Variants in DNAH8 observed in about 807,000 individuals in gnomAD.
DNAH8 encodes dynein axonemal heavy chain 8, also known as axonemal beta dynein heavy chain 8.
A neutral mutation model predicts 562.1 loss-of-function variants in DNAH8; 382 were observed. The observed-to-expected ratio is 0.68, with a 90% CI of 0.63 to 0.74. The LOEUF is 0.74. DNAH8 is among the 30% of genes least tolerant of loss of function. The pLI is 0.00. For missense variants in DNAH8, 5,203 were observed against 5,620.4 expected (o/e 0.93, Z 2.37); for synonymous variants, 1,881 against 1,919.4 (o/e 0.98, Z 0.52).
chr6:38,866,714 G>A, intron 46 of DNAH8, 37 bp downstream of exon 46: 1 of 1,593,092 alleles, frequency 6.3e-7, no homozygotes, highest in Non-Finnish European at 8.6e-7. Context: ...TGTGCTTTAT[G>A]TTCTTTACTT....
chr6:38,891,003 T>C (rs1007013398), intron 58 of DNAH8, among the ~76,000 whole-genome samples: 11 of 152,228 alleles, frequency 7.2e-5, no homozygotes, highest in African/African-American at 2.2e-4. Context: ...CAAGACAAAG[T>C]AGAATTTTGC....
intron 63 of DNAH8, among the ~76,000 whole-genome samples, chr6:38,907,736 A>G (rs978926401): frequency 2.0e-5 from 3 of 152,230 alleles, no homozygotes; most frequent in African/African-American, 2.4e-5. Flanking sequence ...GGTGATAGCT[A>G]TTGGAGCACA....
Position 38,756,030 on chromosome 6 carries a change from T to C in DNAH8, c.1466T>C (p.Val489Ala). ...LINAIRMIHG[V>A]SRYYNTSERM... ...AATGCCATCAGAATGATTCACGGTG[T>C]GTCAAGGTATTATAATACCTCAGAG... Residue 489 changes from valine to alanine, a missense_variant, in exon 10 of 93, where the codon GTG becomes GCG. By Grantham distance (64) the Val-to-Ala change is moderately conservative. Coordinates refer to ENST00000327475, the MANE Select transcript of DNAH8 (RefSeq NM_001206927.2). 1.2e-6 allele frequency: 2 copies of C among 1,611,132 alleles called. No homozygotes were observed. Among genetic ancestry groups the C allele is most frequent in the Non-Finnish European group, 1.7e-6 (2 of 1,177,636 alleles).
At chr6:38,747,729 A>G (rs921470787) in intron 8 of DNAH8, among the ~76,000 whole-genome samples, 13 of 151,172 alleles carry the variant, frequency 8.6e-5, no homozygotes, top group African/African-American at 3.2e-4. Context: ...TTGTACATCT[A>G]CTCTTTGTTC....
chr6:38,863,831 T>C, intron 44 of DNAH8, 42 bp from the exon 45 acceptor site: 1 of 1,506,656 alleles, frequency 6.6e-7, no homozygotes, highest in Non-Finnish European at 9.0e-7. Flanking sequence ...AGAAGGTATA[T>C]TATAGAGTAA....
intron 47 of DNAH8, 26 bp downstream of exon 47, chr6:38,866,902 C>T: frequency 7.1e-7 from 1 of 1,402,108 alleles, no homozygotes; most frequent in Non-Finnish European, 1.0e-6. Context: ...TGCTTTCCTC[C>T]TAGCAATAGT....
intron 53 of DNAH8, among the ~76,000 whole-genome samples, chr6:38,878,860 A>G (rs547884075): frequency 2.6e-5 from 4 of 152,222 alleles, no homozygotes; most frequent in African/African-American, 7.2e-5. Flanking sequence ...AATATTTTCA[A>G]CACAAAAAAA....
chr6:38,940,236 G>A (rs764577913), intron 79 of DNAH8, among the ~76,000 whole-genome samples: 4 of 152,272 alleles, frequency 2.6e-5, no homozygotes, highest in Middle Eastern at 3.4e-3. Context: ...AAGGCAATGG[G>A]AATATACAGG....
intron 33 of DNAH8, 98 bp from the exon 34 acceptor site, chr6:38,842,270 A>G (rs1774866354): frequency 2.1e-6 from 2 of 938,204 alleles, no homozygotes; most frequent in Non-Finnish European, 3.2e-6. Flanking sequence ...TGTACACGCA[A>G]TGTATGAAAT....
chr6:38,741,180 G>A (rs1764490290), intron 7 of DNAH8, among the ~76,000 whole-genome samples: 1 of 152,122 alleles, frequency 6.6e-6, no homozygotes, highest in African/African-American at 2.4e-5. Context: ...TGAGGCAGGA[G>A]GATCGCTTCA....
intron 39 of DNAH8, 25 bp from the exon 40 acceptor site, chr6:38,852,669 T>G: frequency 6.5e-7 from 1 of 1,545,310 alleles, no homozygotes; most frequent in Non-Finnish European, 8.9e-7. Context: ...CAGCCTCATG[T>G]GTGACGTTTT....
At chr6:38,849,194 A>G (rs972451502) in intron 37 of DNAH8, among the ~76,000 whole-genome samples, 7 of 152,306 alleles carry the variant, frequency 4.6e-5, no homozygotes, top group African/African-American at 1.7e-4. Flanking sequence ...GATGTGAGGT[A>G]CATTCAAATG....
intron 58 of DNAH8, among the ~76,000 whole-genome samples, chr6:38,891,448 A>G (rs1779334297): frequency 6.6e-6 from 1 of 152,246 alleles, no homozygotes; most frequent in African/African-American, 2.4e-5. Flanking sequence ...CCAATTATAC[A>G]CATGTGGGCA....
chr6:38,849,288 C>T (rs1309391116), intron 37 of DNAH8, among the ~76,000 whole-genome samples: 6 of 152,106 alleles, frequency 3.9e-5, no homozygotes, highest in Non-Finnish European at 7.4e-5. Flanking sequence ...AATCTATATT[C>T]TGTAAGCACA....
At chr6:38,966,626 T>A (rs187400880) in intron 82 of DNAH8, among the ~76,000 whole-genome samples, 14 of 152,300 alleles carry the variant, frequency 9.2e-5, no homozygotes, top group African/African-American at 3.4e-4. Flanking sequence ...AAAAACATTA[T>A]ACACTATGAC....
rs112851074 is a variant in DNAH8 at position 38,765,408 on chromosome 6, T to C, written c.1617+3605T>C. The stretch of plus-strand genomic sequence containing the variant: ...GTAGCTTTTCCCCGACATTTTCCTC[T>C]AGTAATTTTACAGTTTCAGGTCTTA... On this transcript the variant is annotated intron_variant, in intron 11 of 92. Transcript: ENST00000327475. Among the ~76,000 whole-genome samples the C allele has an allele frequency of 3.9e-3, 587 of 152,340 alleles. 8 individuals carry two copies. The highest frequency in any genetic ancestry group is 0.014 in the African/African-American group (568 of 41,582).
chr6:38,844,208 C>G (rs779808737), intron 35 of DNAH8, among the ~76,000 whole-genome samples: 1 of 152,162 alleles, frequency 6.6e-6, no homozygotes, highest in Non-Finnish European at 1.5e-5. Context: ...AAGGCCTGGC[C>G]CCAGTGTCCA....
At chr6:38,850,648 G>T (rs1003657772) in intron 38 of DNAH8, among the ~76,000 whole-genome samples, 3 of 152,150 alleles carry the variant, frequency 2.0e-5, no homozygotes, top group Non-Finnish European at 1.5e-5. Flanking sequence ...CAGACAGTTG[G>T]CTTAAAGCAA....
At chr6:38,760,335 C>T (rs1766364450) in intron 10 of DNAH8, among the ~76,000 whole-genome samples, 1 of 152,134 alleles carries the variant, frequency 6.6e-6, no homozygotes, top group African/African-American at 2.4e-5. Flanking sequence ...GTCTAGTATT[C>T]AGTATTGTTG....
Sources: allele counts gnomAD v4.1 joint callset (sites outside exome capture counted in the v4.1 genomes callset), GRCh38; gene constraint gnomAD v4.1.1; transcripts MANE v1.5; gene names NCBI Gene and HGNC (gene_info 2026-07-23, HGNC 2026-07-21).